The following DCDC1 variants were observed in gnomAD, a reference collection of about 807,000 sequenced individuals.
DCDC1 encodes doublecortin domain-containing protein 1.
DCDC1 carries 200 observed loss-of-function variants against 178.3 expected under a neutral mutation model. That is an observed-to-expected ratio of 1.12 (90% CI 1.00 to 1.26). DCDC1 has a LOEUF of 1.26. Ranked by LOEUF, DCDC1 falls within the 50% of genes most tolerant of loss-of-function variation. DCDC1 has a pLI of 0.00. For missense variants in DCDC1, 1,983 were observed against 1,749.2 expected, an observed-to-expected ratio of 1.13 and a Z score of -2.38; for synonymous variants, 690 against 604.8, an observed-to-expected ratio of 1.14 and a Z score of -2.07.
At chr11:30,992,557 C>A in intron 20 of DCDC1, 1 of 152,358 alleles carries the variant, frequency 6.6e-6, no homozygotes, top group African/African-American at 2.4e-5. Flanking sequence ...CCCGTTATAG[C>A]TGGTGCCCCC....
chr11:31,321,390 A>T (rs1949340990), intron 3 of DCDC1, among the ~76,000 whole-genome samples: 1 of 145,596 alleles, frequency 6.9e-6, no homozygotes, highest in Non-Finnish European at 1.5e-5. Context: ...TGAAAAGCGC[A>T]ATATTCGGGT....
At chr11:31,365,541 A>G (rs1218812834) in intron 1 of DCDC1, among the ~76,000 whole-genome samples, 2 of 152,164 alleles carry the variant, frequency 1.3e-5, no homozygotes, top group Non-Finnish European at 2.9e-5. Flanking sequence ...ATAGATATAG[A>G]TTTCCATTAT....
chr11:30,920,577 T>C (rs995245142), intron 25 of DCDC1, among the ~76,000 whole-genome samples, 199 bp downstream of exon 25: 6 of 152,110 alleles, frequency 3.9e-5, no homozygotes, highest in Non-Finnish European at 8.8e-5. Flanking sequence ...TTACTGAAAA[T>C]AGATCACTGT....
At chr11:30,899,783 C>A in intron 33 of DCDC1, 141 bp from the exon 34 acceptor site, 1 of 584,276 alleles carries the variant, frequency 1.7e-6, no homozygotes, top group South Asian at 4.6e-5. Context: ...AAAGAAACTT[C>A]ATTTGAAAGA....
intron 10 of DCDC1, among the ~76,000 whole-genome samples, chr11:31,131,527 C>T (rs1334361111): frequency 6.6e-6 from 1 of 152,152 alleles, no homozygotes; most frequent in Non-Finnish European, 1.5e-5. Context: ...TACCCTCCAG[C>T]AGTATTATCC....
At chr11:31,157,372 A>AAAAAATAT (rs71060478) in intron 9 of DCDC1, among the ~76,000 whole-genome samples, 14 of 96,866 alleles carry the variant, frequency 1.4e-4, no homozygotes, top group East Asian at 6.6e-4. Context: ...AAAAAAAAAA[A>AAAAAATAT]ATATATATAT....
At chr11:30,994,690 T>TTGTTATAATATATAACATATAGTATA (rs1951161376) in intron 20 of DCDC1, among the ~76,000 whole-genome samples, 1 of 145,450 alleles carries the variant, frequency 6.9e-6, no homozygotes, top group African/African-American at 2.5e-5. Flanking sequence ...TAACATATTA[T>TTGTTATAATATATAACATATAGTATA]TGTTATAATA....
chr11:31,283,971 C>CCTCTCT (rs35150053), intron 7 of DCDC1, among the ~76,000 whole-genome samples: 25 of 148,560 alleles, frequency 1.7e-4, no homozygotes, highest in African/African-American at 5.9e-4. Flanking sequence ...TCTTTCCCTC[C>CCTCTCT]CTCTCTCTCT....
intron 23 of DCDC1, among the ~76,000 whole-genome samples, chr11:30,924,614 A>G (rs953172170): frequency 6.6e-5 from 10 of 152,204 alleles, no homozygotes; most frequent in Admixed American, 2.0e-4. Context: ...AAGTGAAATT[A>G]CCATTTAGTA....
chr11:30,877,909 T>C (rs1942285782), intron 38 of DCDC1, among the ~76,000 whole-genome samples: 1 of 152,180 alleles, frequency 6.6e-6, no homozygotes, highest in Admixed American at 6.6e-5. Flanking sequence ...ATATATGGAA[T>C]ATATTTTCTA....
chr11:31,314,757 TA>T (rs1948968242), intron 3 of DCDC1, among the ~76,000 whole-genome samples: 1 of 152,212 alleles, frequency 6.6e-6, no homozygotes, highest in Non-Finnish European at 1.5e-5. Context: ...TTAATTAACT[TA>T]AAGATAACTG....
chr11:30,902,592 TA>T (rs1156692080), intron 32 of DCDC1, among the ~76,000 whole-genome samples: 1 of 152,142 alleles, frequency 6.6e-6, no homozygotes, highest in Non-Finnish European at 1.5e-5. Flanking sequence ...ACATTTTATG[TA>T]AGAAATTTAA....
intron 9 of DCDC1, among the ~76,000 whole-genome samples, chr11:31,205,214 G>T (rs745614915): frequency 6.6e-6 from 1 of 152,144 alleles, no homozygotes; most frequent in Admixed American, 6.5e-5. Context: ...TTGCCTGTTT[G>T]TATAAATAAA....
intron 1 of DCDC1, among the ~76,000 whole-genome samples, chr11:31,362,282 A>G (rs1312599121): frequency 2.0e-5 from 3 of 152,172 alleles, no homozygotes; most frequent in South Asian, 2.1e-4. Flanking sequence ...AAAAACAGTT[A>G]ATTTAATAGT....
At chr11:31,173,269 C>T (rs779733910) in intron 9 of DCDC1, among the ~76,000 whole-genome samples, 54 of 152,226 alleles carry the variant, frequency 3.5e-4, no homozygotes, top group Admixed American at 1.1e-3. Context: ...ACAATTAATT[C>T]AGTGTATGAC....
chr11:31,236,415 A>C (rs1976472638), intron 9 of DCDC1, among the ~76,000 whole-genome samples: 2 of 152,038 alleles, frequency 1.3e-5, no homozygotes, highest in Admixed American at 6.6e-5. Context: ...GTTTACTGCC[A>C]TACTGAATTG....
intron 36 of DCDC1, among the ~76,000 whole-genome samples, chr11:30,888,123 AAAGAAAG>A (rs879896381): frequency 1.4e-5 from 2 of 143,832 alleles, no homozygotes; most frequent in African/African-American, 5.3e-5. Flanking sequence ...AGAAAGAAAG[AAAGAAAG>A]AAAGAAAGAA....
rs746177405 is a variant in DCDC1, at chr11:31,307,666, G to A, written c.407C>T (p.Pro136Leu). 1.9e-6 allele frequency: 3 copies of A among 1,614,052 alleles called. No individual in the cohort carries two copies. Among genetic ancestry groups the A allele is most frequent in the Admixed American group, 3.3e-5 (2 of 60,004 alleles). ...CAGTTGACCCACTGGAGCACTGACA[G>A]GTCTGTTTCTCTTGGATGCTGATAT... ...CSISASKRNR[P>L]VSAPVGQLRV... is the part of the protein sequence containing the mutation. Residue 136 changes from proline (P) to leucine (L), a missense_variant, in exon 4 of 39, where the codon CCT becomes CTT. Physicochemically the swap from Pro to Leu is moderately conservative, Grantham distance 98 (BLOSUM62 -3). Transcript: ENST00000684477.
chr11:30,978,244 T>C lies in DCDC1; in HGVS notation c.2592-25676A>G, dbSNP rs532545444. On this transcript the variant is annotated intron_variant, in intron 20 of 38. Transcript: ENST00000684477. ...AATGTGACCTCAGACCTGTCTGGAT[T>C]AGGTGCTTCTGTACATTGGATGGTT... Among the ~76,000 whole-genome samples, 4 of 152,330 alleles carry C rather than the reference T, an allele frequency of 2.6e-5. No homozygotes were observed. The South Asian group carries it at 8.3e-4, about 32-fold the overall frequency.
Sources: gnomAD v4.1 joint callset for allele counts (sites outside exome capture counted in the v4.1 genomes callset) on GRCh38, gnomAD v4.1.1 for gene constraint, MANE v1.5 for transcripts, NCBI Gene and HGNC (gene_info 2026-07-23, HGNC 2026-07-21) for gene names.